FOXN3: variants seen among roughly 807,000 people sequenced by gnomAD.
The protein encoded by FOXN3 is forkhead box protein N3.
FOXN3 carries 7 observed loss-of-function variants against 38.4 expected under a neutral mutation model. The observed-to-expected ratio is 0.18, with a 90% CI of 0.10 to 0.34. The LOEUF (loss-of-function observed/expected upper bound fraction) is 0.34, where lower values mean the gene tolerates loss of function less well. FOXN3 is among the 10% of genes least tolerant of loss of function. The pLI, the probability that FOXN3 is intolerant of heterozygous loss-of-function variation, is 1.00. For missense variants in FOXN3, 456 were observed against 613.4 expected (o/e 0.74, Z 2.71); for synonymous variants, 230 against 242.2 (o/e 0.95, Z 0.47).
chr14:89,266,727 A>T (rs1297711716), intron 4 of FOXN3, among the ~76,000 whole-genome samples: 3 of 152,120 alleles, frequency 2.0e-5, no homozygotes, highest in Non-Finnish European at 4.4e-5. Context: ...GGAAATAAGT[A>T]AGGTGTCAGG....
chr14:89,590,211 A>G (rs1895921958), intron 1 of FOXN3, among the ~76,000 whole-genome samples: 3 of 152,230 alleles, frequency 2.0e-5, no homozygotes, highest in Non-Finnish European at 4.4e-5. Flanking sequence ...AAACCAATCA[A>G]TGAATGATTC....
chr14:89,464,423 C>T (rs1022327920), intron 1 of FOXN3, among the ~76,000 whole-genome samples: 1 of 152,178 alleles, frequency 6.6e-6, no homozygotes, highest in Non-Finnish European at 1.5e-5. Context: ...ACCATGGTAT[C>T]AAGCTATCTT....
chr14:89,612,909 G>A (rs1214099835), intron 1 of FOXN3, among the ~76,000 whole-genome samples: 2 of 151,652 alleles, frequency 1.3e-5, no homozygotes, highest in African/African-American at 2.4e-5. Flanking sequence ...CATGAGGTCA[G>A]CAGTTTCAGA....
chr14:89,163,510 C>T lies in FOXN3; in HGVS notation c.852-541G>A, dbSNP rs184229073. 2.0e-5 allele frequency among the ~76,000 whole-genome samples: 3 copies of T among 152,260 alleles called. No individual in the cohort carries two copies. Among genetic ancestry groups the T allele is most frequent in the African/African-American group, 4.8e-5 (2 of 41,528 alleles). ...CGTTCATGCAATCTACAAATACTCA[C>T]TGAGCGCCTAACAGAAATGCATGAC... On this transcript the variant is annotated intron_variant, in intron 5 of 5. Coordinates refer to ENST00000557258, the MANE Select transcript of FOXN3 (RefSeq NM_005197.4). The surrounding 1 kb of genome is among the most constrained non-coding windows in gnomAD (Gnocchi z 4.3).
At chr14:89,317,681 T>G (rs895586276) in intron 3 of FOXN3, among the ~76,000 whole-genome samples, 1 of 152,040 alleles carries the variant, frequency 6.6e-6, no homozygotes, top group African/African-American at 2.4e-5. Flanking sequence ...CACCTTTGAT[T>G]GCAACAATTG....
intron 4 of FOXN3, among the ~76,000 whole-genome samples, chr14:89,228,769 G>A (rs752120113): frequency 2.6e-4 from 39 of 152,168 alleles, no homozygotes; most frequent in Non-Finnish European, 5.3e-4. Context: ...ATAACACCTG[G>A]AATAAACTGA....
chr14:89,292,410 T>A (rs1175739829), intron 3 of FOXN3, among the ~76,000 whole-genome samples: 2 of 152,092 alleles, frequency 1.3e-5, no homozygotes, highest in Non-Finnish European at 2.9e-5. Context: ...CTGCCAGGGG[T>A]CACCTGGGTC....
At chr14:89,212,221 C>T (rs1001691930) in intron 4 of FOXN3, among the ~76,000 whole-genome samples, 5 of 152,202 alleles carry the variant, frequency 3.3e-5, no homozygotes, top group African/African-American at 1.2e-4. Context: ...TAGAATAAGA[C>T]ATGTTCTTTG....
At chr14:89,500,120 T>G (rs1344663910) in intron 1 of FOXN3, among the ~76,000 whole-genome samples, 1 of 152,156 alleles carries the variant, frequency 6.6e-6, no homozygotes, top group Non-Finnish European at 1.5e-5. Context: ...CCCAAAGTGC[T>G]GGGGTTACAG....
chr14:89,214,611 T>C (rs574711417), intron 4 of FOXN3, among the ~76,000 whole-genome samples: 1 of 152,304 alleles, frequency 6.6e-6, no homozygotes, highest in South Asian at 2.1e-4. Flanking sequence ...GAGGGAGAGA[T>C]GGAAAGGACC....
intron 3 of FOXN3, among the ~76,000 whole-genome samples, chr14:89,281,524 C>G (rs79383493): frequency 0.017 from 2,620 of 152,252 alleles, 71 homozygotes; most frequent in African/African-American, 0.059. Flanking sequence ...CCCCTCTTCT[C>G]GTTTCGTATC....
At chr14:89,404,529 A>AT (rs1189931123) in intron 2 of FOXN3, among the ~76,000 whole-genome samples, 1 of 142,714 alleles carries the variant, frequency 7.0e-6, no homozygotes, top group Non-Finnish European at 1.5e-5. Flanking sequence ...AAAAAAAAAA[A>AT]ATCGGCAGGA....
At chr14:89,604,223 ACACACACACACACACACGTGCGCG>A (rs1896217975) in intron 1 of FOXN3, among the ~76,000 whole-genome samples, 1 of 148,112 alleles carries the variant, frequency 6.8e-6, no homozygotes, top group Non-Finnish European at 1.5e-5. Flanking sequence ...ACACACACAC[ACACACACACACACACACGTGCGCG>A]CACACACACG....
intron 4 of FOXN3, among the ~76,000 whole-genome samples, chr14:89,265,905 C>T (rs1209302377): frequency 1.3e-5 from 2 of 152,190 alleles, no homozygotes; most frequent in Non-Finnish European, 2.9e-5. Context: ...CATTCACGTT[C>T]CCTGGTAGGG....
chr14:89,207,509 A>G (rs543475261), intron 4 of FOXN3, among the ~76,000 whole-genome samples: 15 of 152,340 alleles, frequency 9.8e-5, no homozygotes, highest in African/African-American at 3.4e-4. Context: ...TACAGAAGAA[A>G]TTATATGATA....
rs567252245 is a variant in FOXN3, at chr14:89,460,790, G to T, written c.-14-48300C>A. Among the ~76,000 whole-genome samples, 685 of 152,180 alleles carry T rather than the reference G, an allele frequency of 4.5e-3. 7 individuals carry two copies. Among genetic ancestry groups the T allele is most frequent in the Middle Eastern group, 0.01 (3 of 294 alleles). On this transcript the variant is annotated intron_variant, in intron 1 of 6. Transcript: ENST00000345097. ...TCACAACTGTAATCCCAGCACTTTGGGAGGCCGAGGCGGGCAGATCACCTG... is the reference window on the plus strand; with the variant it reads ...TCACAACTGTAATCCCAGCACTTTGTGAGGCCGAGGCGGGCAGATCACCTG...
At chr14:89,330,123 T>C (rs1038033620) in intron 3 of FOXN3, among the ~76,000 whole-genome samples, 2 of 152,152 alleles carry the variant, frequency 1.3e-5, no homozygotes, top group Admixed American at 6.6e-5. Flanking sequence ...ATCCTCCAGG[T>C]TTCCTTTAAT....
intron 3 of FOXN3, among the ~76,000 whole-genome samples, chr14:89,332,210 G>A (rs188204359): frequency 3.3e-5 from 5 of 152,120 alleles, no homozygotes; most frequent in Admixed American, 1.3e-4. Flanking sequence ...GTTGAACAGC[G>A]CAGAGAGGGG....
rs150752326 is a variant in FOXN3, at chr14:89,460,461, C to T, written c.-14-47971G>A. On this transcript the variant is annotated intron_variant, in intron 1 of 6. Coordinates refer to the FOXN3 transcript ENST00000345097. Reference sequence around the variant, plus strand: ...CAAACACAGACACTTAGCAGAGAAACACCGTCAGAGTGCACAGTGAGCGGG... The same window carrying T: ...CAAACACAGACACTTAGCAGAGAAATACCGTCAGAGTGCACAGTGAGCGGG... Among the ~76,000 whole-genome samples, 159 of 152,300 alleles carry T rather than the reference C, an allele frequency of 1.0e-3. 1 individual carries two copies. Among genetic ancestry groups the T allele is most frequent in the Non-Finnish European group, 2.0e-3 (133 of 68,032 alleles).
Sources: allele counts gnomAD v4.1 joint callset (sites outside exome capture counted in the v4.1 genomes callset), GRCh38; gene constraint gnomAD v4.1.1; non-coding constraint Gnocchi (gnomAD v3.1); transcripts MANE v1.5; gene names NCBI Gene and HGNC (gene_info 2026-07-23, HGNC 2026-07-21).